Variants in TATDN2 observed in about 807,000 individuals in gnomAD.
TATDN2 encodes TatD DNase domain containing 2.
In TATDN2, 44 loss-of-function variants were observed where a neutral mutation model predicts 60.3. The observed-to-expected ratio is 0.73, with a 90% CI of 0.57 to 0.94. The LOEUF (loss-of-function observed/expected upper bound fraction) is 0.94, where lower values mean the gene tolerates loss of function less well. Among genes scored for constraint, TATDN2 ranks in the 40% least tolerant of loss-of-function variants. TATDN2 has a pLI of 0.00. For missense variants in TATDN2, 997 were observed against 948.0 expected, an observed-to-expected ratio of 1.05 and a Z score of -0.68; for synonymous variants, 399 against 355.8, an observed-to-expected ratio of 1.12 and a Z score of -1.37.
At chr3:10,265,945 C>T (rs2125177378) in intron 3 of TATDN2, among the ~76,000 whole-genome samples, 1 of 152,260 alleles carries the variant, frequency 6.6e-6, no homozygotes, top group Non-Finnish European at 1.5e-5. Context: ...ACCTCCAATT[C>T]CTGAGTCTTT....
At chr3:10,276,275 G>A (rs934762931) in intron 4 of TATDN2, 86 bp from the exon 5 acceptor site, 3 of 1,504,940 alleles carry the variant, frequency 2.0e-6, no homozygotes, top group Admixed American at 2.1e-5. Flanking sequence ...AGACACAGGG[G>A]GTGCCTGCTG....
chr3:10,257,325 A>G (rs1333591292), intron 2 of TATDN2, among the ~76,000 whole-genome samples: 2 of 132,964 alleles, frequency 1.5e-5, no homozygotes, highest in African/African-American at 5.6e-5. Flanking sequence ...AATTCCTTAA[A>G]TATAAAAAGA....
intron 4 of TATDN2, among the ~76,000 whole-genome samples, chr3:10,274,716 A>G (rs546709252): frequency 1.3e-5 from 2 of 152,336 alleles, no homozygotes; most frequent in Admixed American, 1.3e-4. Flanking sequence ...CAAGCAGTCT[A>G]TAATTTTGAT....
At chr3:10,269,807 T>G (rs1444308846) in intron 3 of TATDN2, among the ~76,000 whole-genome samples, 1 of 152,136 alleles carries the variant, frequency 6.6e-6, no homozygotes, top group Admixed American at 6.5e-5. Context: ...AAATCTCCAA[T>G]CCGGAGTGTG....
In TATDN2 at chr3:10,258,276, CTTTG is replaced by C. The variant is rs937654216; in HGVS notation, c.415-1844_415-1841del. On this transcript the variant is annotated intron_variant, in intron 2 of 7. Coordinates refer to ENST00000448281, the MANE Select transcript of TATDN2 (RefSeq NM_014760.4). ...AAGCTTATAATATAAGCACCTAAGCCTTTGTTTGTTTGTTTGTTTGAGACAGAGT... is the reference window on the plus strand; with the variant it reads ...AAGCTTATAATATAAGCACCTAAGCCTTTGTTTGTTTGTTTGAGACAGAGT... Among the ~76,000 whole-genome samples the C allele has an allele frequency of 1.1e-4, 16 of 151,250 alleles. No homozygotes were observed. The East Asian group carries it at 1.2e-3, about 11-fold the overall frequency.
At chr3:10,261,475 A>T (rs144889975) in intron 3 of TATDN2, among the ~76,000 whole-genome samples, 1 of 151,558 alleles carries the variant, frequency 6.6e-6, no homozygotes, top group African/African-American at 2.4e-5. Context: ...GGTTCAAGCA[A>T]TTCTCCTGCC....
chr3:10,274,729 C>G (rs1031612151), intron 4 of TATDN2, among the ~76,000 whole-genome samples: 2 of 152,136 alleles, frequency 1.3e-5, no homozygotes, highest in Non-Finnish European at 2.9e-5. Context: ...ATTTTGATGT[C>G]TGTGGTCATT....
chr3:10,256,037 G>A (rs1698303467), intron 2 of TATDN2, among the ~76,000 whole-genome samples: 1 of 152,056 alleles, frequency 6.6e-6, no homozygotes, highest in South Asian at 2.1e-4. Context: ...TTCTTATTTT[G>A]TTTTTCTCCT....
At chr3:10,266,215 A>G (rs529550427) in intron 3 of TATDN2, among the ~76,000 whole-genome samples, 1 of 152,346 alleles carries the variant, frequency 6.6e-6, no homozygotes, top group Admixed American at 6.5e-5. Context: ...TGCTATATAT[A>G]TAATTGGAAA....
intron 2 of TATDN2, among the ~76,000 whole-genome samples, chr3:10,252,950 G>A (rs1287317564): frequency 2.7e-5 from 4 of 148,404 alleles, no homozygotes; most frequent in African/African-American, 7.5e-5. Context: ...TCCGCCTCCC[G>A]GGTTCACGCC....
chr3:10,264,536 C>T (rs1698450618), intron 3 of TATDN2, among the ~76,000 whole-genome samples: 1 of 152,118 alleles, frequency 6.6e-6, no homozygotes, highest in African/African-American at 2.4e-5. Flanking sequence ...GGGAAAATTT[C>T]TTGATTATTT....
chr3:10,249,278 C>T lies in TATDN2; in HGVS notation c.78C>T (p.Leu26=). The T allele has an allele frequency of 6.3e-7, 1 of 1,592,826 alleles. No homozygotes were observed. Among genetic ancestry groups the T allele is most frequent in the East Asian group, 2.3e-5 (1 of 44,442 alleles). The change falls in exon 2 of 8, where the codon CTC becomes CTT. Residue 26 remains leucine (L), a synonymous_variant. Transcript: ENST00000448281. ...SEGCPRKRSC[L]REPCDVAPSS... ...GGTGTCCCCGCAAGCGCAGCTGCCT[C>T]CGGGAGCCCTGTGATGTGGCCCCCT... is the stretch of plus-strand genomic sequence containing the variant.
intron 5 of TATDN2, among the ~76,000 whole-genome samples, chr3:10,277,418 T>C (rs1698655174): frequency 6.6e-6 from 1 of 152,180 alleles, no homozygotes. Context: ...TCATAGGTGC[T>C]GTGGGAGCCA....
chr3:10,270,729 C>G lies in TATDN2; in HGVS notation c.1547C>G (p.Thr516Arg). The change falls in exon 4 of 8, where the codon ACA becomes AGA. Residue 516 changes from threonine (T) to arginine (R), a missense_variant. Thr to Arg is a moderately conservative substitution (Grantham distance 71). Coordinates refer to ENST00000448281, the MANE Select transcript of TATDN2 (RefSeq NM_014760.4). ...YSKLSFQGTF[T>R]KFRKIYSSSF... ...AAGCTATCTTTCCAAGGGACCTTTA[C>G]AAAGTTCAGAAAAATTTACAGCAGC... The G allele has an allele frequency of 6.2e-7, 1 of 1,614,188 alleles. No individual in the cohort carries two copies. Among genetic ancestry groups the G allele is most frequent in the Admixed American group, 1.7e-5 (1 of 60,020 alleles).
At chr3:10,276,300 G>T in intron 4 of TATDN2, 61 bp from the exon 5 acceptor site, 1 of 1,596,148 alleles carries the variant, frequency 6.3e-7, no homozygotes. Flanking sequence ...GGGCGTTCCA[G>T]AGGTGATGGA....
Position 10,260,665 on chromosome 3 carries a change from C to T in TATDN2, c.943C>T (p.Gln315Ter). 1 of 1,611,674 alleles carries T rather than the reference C, an allele frequency of 6.2e-7. No individual in the cohort carries two copies. The highest frequency in any genetic ancestry group is 8.5e-7 in the Non-Finnish European group (1 of 1,178,860). Residue 315 changes from glutamine to a stop codon, truncating the protein, a stop_gained, in exon 3 of 8, where the codon CAA becomes TAA. Coordinates refer to ENST00000448281, the MANE Select transcript of TATDN2 (RefSeq NM_014760.4). LOFTEE classifies it high-confidence loss of function. The stretch of plus-strand genomic sequence containing the variant: ...TGACTCTGACTCTCATTTAGAAATC[C>T]AAAAGGTGAGTAAAGCTTGTACCAG... ...LDDSDSHLEI[Q>*]KHKDREVVME... is the part of the protein sequence containing the mutation.
chr3:10,251,954 C>G (rs1227003684), intron 2 of TATDN2, among the ~76,000 whole-genome samples: 1 of 151,192 alleles, frequency 6.6e-6, no homozygotes, highest in African/African-American at 2.4e-5. Context: ...TGAGACTACC[C>G]TGGCTAACAC....
intron 3 of TATDN2, among the ~76,000 whole-genome samples, chr3:10,268,124 T>G (rs942699017): frequency 4.6e-5 from 7 of 152,242 alleles, no homozygotes; most frequent in Non-Finnish European, 1.0e-4. Flanking sequence ...GAGTTCAGAT[T>G]AAATTAAAAA....
chr3:10,250,265 A>G (rs751045000), intron 2 of TATDN2, among the ~76,000 whole-genome samples: 6 of 150,464 alleles, frequency 4.0e-5, no homozygotes, highest in Non-Finnish European at 8.8e-5. Flanking sequence ...CAGACCAAGG[A>G]GTGCTTCACA....
Sources: gnomAD v4.1 joint callset for allele counts (sites outside exome capture counted in the v4.1 genomes callset) on GRCh38, gnomAD v4.1.1 for gene constraint, MANE v1.5 for transcripts, NCBI Gene and HGNC (gene_info 2026-07-23, HGNC 2026-07-21) for gene names.